CREBBP: variants seen among roughly 807,000 people sequenced by gnomAD.
CREBBP encodes the protein CREB binding lysine acetyltransferase.
In CREBBP, 19 loss-of-function variants were observed where a neutral mutation model predicts 265.0. The ratio of observed to expected loss-of-function variants is 0.07; its 90% CI spans 0.05 to 0.11. The LOEUF (loss-of-function observed/expected upper bound fraction) is 0.11, where lower values mean the gene tolerates loss of function less well. Among genes scored for constraint, CREBBP ranks in the 10% least tolerant of loss-of-function variants. The pLI, the probability that CREBBP is intolerant of heterozygous loss-of-function variation, is 1.00. For synonymous variants in CREBBP, 1,457 were observed against 1,223.7 expected, an observed-to-expected ratio of 1.19 and a Z score of -3.98; for missense variants, 2,525 against 3,219.0, an observed-to-expected ratio of 0.78 and a Z score of 5.22.
At chr16:3,799,997 C>G (rs1020019915) in intron 3 of CREBBP, among the ~76,000 whole-genome samples, 2 of 151,964 alleles carry the variant, frequency 1.3e-5, no homozygotes, top group Admixed American at 6.6e-5. Context: ...TGATGAGGAA[C>G]TAAATATAAA....
At position 3,729,885 on chromosome 16, in the gene CREBBP, G is replaced by A. The variant is rs568538276; in HGVS notation, c.5173-11C>T. ...GCAGAGGTCGTAGTCCTGCAAGCAA[G>A]GAAAGGGGACAGGCCGGTGTCAGCA... On this transcript the variant is annotated splice_polypyrimidine_tract_variant and intron_variant, in intron 30 of 30. Coordinates refer to ENST00000262367, the MANE Select transcript of CREBBP (RefSeq NM_004380.3). The A allele has an allele frequency of 1.9e-6, 3 of 1,600,230 alleles. No homozygotes were observed. Among genetic ancestry groups the A allele is most frequent in the Admixed American group, 1.7e-5 (1 of 59,970 alleles).
intron 3 of CREBBP, among the ~76,000 whole-genome samples, chr16:3,805,514 A>C (rs2053811293): frequency 6.6e-6 from 1 of 152,234 alleles, no homozygotes; most frequent in Admixed American, 6.5e-5. Flanking sequence ...TTGTGCAAGG[A>C]AACCAAAACT....
intron 13 of CREBBP, chr16:3,773,513 A>G (rs1441349331): frequency 1.3e-5 from 7 of 547,398 alleles, no homozygotes; most frequent in African/African-American, 5.7e-5. Flanking sequence ...ATACAAACCA[A>G]AAATTCTAAA....
At chr16:3,771,498 A>G (rs1048208672) in intron 13 of CREBBP, among the ~76,000 whole-genome samples, 1 of 152,212 alleles carries the variant, frequency 6.6e-6, no homozygotes, top group Non-Finnish European at 1.5e-5. Context: ...TCTGATTTAT[A>G]TAATTAAAAC....
intron 1 of CREBBP, among the ~76,000 whole-genome samples, chr16:3,872,309 G>T (rs1293092446): frequency 6.6e-6 from 1 of 152,092 alleles, no homozygotes; most frequent in African/African-American, 2.4e-5. Context: ...AATTTGATTT[G>T]TGTGCCCTTG....
At chr16:3,820,586 G>A (rs2054122972) in intron 2 of CREBBP, among the ~76,000 whole-genome samples, 2 of 152,204 alleles carry the variant, frequency 1.3e-5, no homozygotes, top group South Asian at 4.1e-4. Flanking sequence ...TTTGGATAAT[G>A]TCTTTCAAGA....
chr16:3,728,426 T>C lies in CREBBP; in HGVS notation c.6621A>G (p.Gln2207=), dbSNP rs55960450. The C allele has an allele frequency of 0.012, 19,403 of 1,612,396 alleles. 300 individuals carry two copies. The highest frequency in any genetic ancestry group is 0.052 in the South Asian group (4,744 of 90,944). The stretch of plus-strand genomic sequence containing the variant: ...GCTGCTGCTGCTGTTGCTGCTGTTG[T>C]TGCTGCTGCTGTTGCTGCTGCTGCT... ...LLQQQQQQQQ[Q]QQQQQQQQQG... Residue 2207 remains glutamine (Q), a synonymous_variant, in exon 31 of 31, where the codon CAA becomes CAG. Coordinates refer to ENST00000262367, the MANE Select transcript of CREBBP (RefSeq NM_004380.3). The surrounding 1 kb of genome is among the most constrained non-coding windows in gnomAD (Gnocchi z 8.7).
chr16:3,793,286 C>T (rs758507841), intron 4 of CREBBP, 100 bp downstream of exon 4: 1 of 1,519,478 alleles, frequency 6.6e-7, no homozygotes, highest in Non-Finnish European at 9.1e-7. Context: ...AGGCAGCACT[C>T]AGGCTGCCGG....
At chr16:3,735,011 C>T (rs905529494) in intron 28 of CREBBP, among the ~76,000 whole-genome samples, 3 of 152,110 alleles carry the variant, frequency 2.0e-5, no homozygotes, top group Admixed American at 6.5e-5. Flanking sequence ...CAGCCTTCAA[C>T]GTTCGTCATC....
At position 3,727,381 on chromosome 16, in the gene CREBBP, C is replaced by T; in HGVS notation, c.*337G>A. On this transcript the variant is annotated 3_prime_UTR_variant, in exon 31 of 31. Coordinates refer to ENST00000262367, the MANE Select transcript of CREBBP (RefSeq NM_004380.3). Reference sequence around the variant, plus strand: ...AAATAAAAAATATGAATATAATGAACTTGTTTTTCCCGTTAAAAAAAGGCA... The same window carrying T: ...AAATAAAAAATATGAATATAATGAATTTGTTTTTCCCGTTAAAAAAAGGCA... The T allele has an allele frequency of 7.0e-6, 2 of 287,252 alleles. No homozygotes were observed. The highest frequency in any genetic ancestry group is 1.3e-5 in the Non-Finnish European group (2 of 151,940). The allele number at this position is 287,252 out of a possible 1,614,324, so 17.8% of individuals were successfully genotyped here.
chr16:3,874,590 C>T (rs911241050), intron 1 of CREBBP, among the ~76,000 whole-genome samples: 10 of 152,194 alleles, frequency 6.6e-5, no homozygotes, highest in African/African-American at 1.2e-4. Flanking sequence ...AAGCCAAATG[C>T]GTGCTCTCTG....
At chr16:3,734,193 T>C (rs182879023) in intron 28 of CREBBP, among the ~76,000 whole-genome samples, 4 of 152,144 alleles carry the variant, frequency 2.6e-5, no homozygotes, top group East Asian at 3.9e-4. Flanking sequence ...TTTCCCAGAA[T>C]TGACAGCATG....
rs969874910 is a variant in CREBBP, at chr16:3,830,420, G to T, written c.799-19641C>A. ...GTATCAAAACAAAACAAAACAAAAA[G>T]AGTGAAAAAAAAATGTGAATGCTAA... On this transcript the variant is annotated intron_variant, in intron 2 of 30. Transcript: ENST00000262367. 3.3e-5 allele frequency among the ~76,000 whole-genome samples: 5 copies of T among 150,700 alleles called. No homozygotes were observed. In the South Asian group the frequency reaches 6.3e-4, roughly 19 times the overall value.
intron 5 of CREBBP, among the ~76,000 whole-genome samples, chr16:3,784,768 T>C (rs1303920991): frequency 6.6e-6 from 1 of 152,188 alleles, no homozygotes; most frequent in Non-Finnish European, 1.5e-5. Context: ...TGCCATCTAC[T>C]TAACTAAAAT....
chr16:3,814,215 C>CTGTG lies in CREBBP; in HGVS notation c.799-3440_799-3437dup, dbSNP rs6145729. ...TGTGTGTTTGAGACAGAGTCTCGTT[C>CTGTG]TGTGTGTGTGTGTGTGTGTGTGTGT... On this transcript the variant is annotated intron_variant, in intron 2 of 30. Coordinates refer to ENST00000262367, the MANE Select transcript of CREBBP (RefSeq NM_004380.3). Among the ~76,000 whole-genome samples the CTGTG allele has an allele frequency of 6.7e-4, 70 of 104,056 alleles. 1 individual carries two copies. The highest frequency in any genetic ancestry group is 1.2e-3 in the South Asian group (3 of 2,556). 68.3% of individuals were successfully genotyped at this position (104,056 alleles called of 152,430 possible).
intron 2 of CREBBP, among the ~76,000 whole-genome samples, chr16:3,846,387 G>A (rs369135382): frequency 4.6e-5 from 7 of 152,212 alleles, no homozygotes; most frequent in Admixed American, 2.6e-4. Flanking sequence ...TATTTCTGAA[G>A]AGTATCTGAG....
At position 3,850,468 on chromosome 16, in the gene CREBBP, CATGACT is replaced by C; in HGVS notation, c.621_626del (p.Val208_Met209del). The C allele has an allele frequency of 1.2e-6, 2 of 1,614,272 alleles. No homozygotes were observed. Among genetic ancestry groups the C allele is most frequent in the African/African-American group, 2.7e-5 (2 of 75,064 alleles). ...TGCCAGCAGCCCCAAGAGATCCATT[CATGACT>C]TGCGCCTGCCCTTGTGAAGCCTGAT... is the stretch of plus-strand genomic sequence containing the variant. On this transcript the variant is annotated inframe_deletion, in exon 2 of 31. Transcript: ENST00000262367.
intron 10 of CREBBP, 87 bp downstream of exon 10, chr16:3,777,896 TTCTGCAGGGCATGCATCAGATATTCTAA>T: frequency 7.6e-7 from 1 of 1,311,406 alleles, no homozygotes; most frequent in Non-Finnish European, 1.1e-6. Flanking sequence ...CATCAACAGC[TTCTGCAGGGCATGCATCAGATATTCTAA>T]TTCTCTGTTC....
intron 2 of CREBBP, among the ~76,000 whole-genome samples, chr16:3,845,394 A>G (rs2054645786): frequency 1.3e-5 from 2 of 152,226 alleles, no homozygotes; most frequent in African/African-American, 4.8e-5. Context: ...ACTAAAGAAA[A>G]AGAGTTCAGA....
Sources: allele counts gnomAD v4.1 joint callset (sites outside exome capture counted in the v4.1 genomes callset), GRCh38; gene constraint gnomAD v4.1.1; non-coding constraint Gnocchi (gnomAD v3.1); transcripts MANE v1.5; gene names NCBI Gene and HGNC (gene_info 2026-07-23, HGNC 2026-07-21).